The following ZMYM2 variants were observed in gnomAD, a reference collection of about 807,000 sequenced individuals.
The protein encoded by ZMYM2 is zinc finger MYM-type containing 2.
In ZMYM2, 56 loss-of-function variants were observed where a neutral mutation model predicts 162.8. That is an observed-to-expected ratio of 0.34 (90% CI 0.28 to 0.43). The LOEUF (loss-of-function observed/expected upper bound fraction) is 0.43. Ranked by LOEUF, ZMYM2 falls within the 20% of genes least tolerant of loss-of-function variation. ZMYM2 has a pLI of 1.00. For missense variants in ZMYM2, 1,275 were observed against 1,621.8 expected, an observed-to-expected ratio of 0.79 and a Z score of 3.67; for synonymous variants, 510 against 541.6, an observed-to-expected ratio of 0.94 and a Z score of 0.81.
At chr13:20,000,004 T>C (rs1318779785) in intron 3 of ZMYM2, among the ~76,000 whole-genome samples, 1 of 152,160 alleles carries the variant, frequency 6.6e-6, no homozygotes. Context: ...GGTTTCGCTA[T>C]GTTGCCCAGG....
intron 17 of ZMYM2, among the ~76,000 whole-genome samples, chr13:20,061,758 T>C (rs113899525): frequency 2.6e-5 from 4 of 152,074 alleles, no homozygotes; most frequent in Admixed American, 6.5e-5. Flanking sequence ...CCAGCCAATT[T>C]TTGTCTTTTT....
chr13:19,966,542 C>T (rs1955805027), intron 2 of ZMYM2, among the ~76,000 whole-genome samples: 1 of 151,582 alleles, frequency 6.6e-6, no homozygotes, highest in African/African-American at 2.4e-5. Context: ...GCAGCCCCTA[C>T]CTCCTGGTTT....
At chr13:19,884,236 G>C in the ZMYM2 span, among the ~76,000 whole-genome samples, 2 of 152,150 alleles carry the variant, frequency 1.3e-5, no homozygotes, top group South Asian at 2.1e-4. Context: ...AAGCACAGTA[G>C]GGTTGTGTCC....
chr13:20,030,467 C>T lies in ZMYM2; in HGVS notation c.1852-852C>T, dbSNP rs570585705. ...AGGCTGGAGTGCAGTGGCGTGATCTCGGCTCACTGCAAGCTCCACCTCCTG... is the reference window on the plus strand; with the variant it reads ...AGGCTGGAGTGCAGTGGCGTGATCTTGGCTCACTGCAAGCTCCACCTCCTG... On this transcript the variant is annotated intron_variant, in intron 9 of 24. Coordinates refer to ENST00000610343, the MANE Select transcript of ZMYM2 (RefSeq NM_197968.4). Among the ~76,000 whole-genome samples the T allele has an allele frequency of 1.4e-3, 205 of 148,214 alleles. 1 individual carries two copies. The highest frequency in any genetic ancestry group is 2.4e-3 in the Non-Finnish European group (162 of 67,608).
chr13:19,926,068 C>A, the ZMYM2 span, among the ~76,000 whole-genome samples: 1 of 150,786 alleles, frequency 6.6e-6, no homozygotes, highest in Non-Finnish European at 1.5e-5. Flanking sequence ...TCAAGCAATT[C>A]TCCCCTCTCA....
chr13:19,893,196 G>T, the ZMYM2 span, among the ~76,000 whole-genome samples: 1 of 151,212 alleles, frequency 6.6e-6, no homozygotes, highest in African/African-American at 2.4e-5. Context: ...ACTTTGGGAG[G>T]CCGAGGTGGG....
chr13:19,994,351 G>A (rs1949858210), intron 3 of ZMYM2, among the ~76,000 whole-genome samples: 1 of 152,118 alleles, frequency 6.6e-6, no homozygotes, highest in African/African-American at 2.4e-5. Flanking sequence ...AGAATGAAGT[G>A]TGATAATTTA....
chr13:20,075,612 T>C (rs1957428161), intron 21 of ZMYM2, among the ~76,000 whole-genome samples: 1 of 150,982 alleles, frequency 6.6e-6, no homozygotes, highest in South Asian at 2.1e-4. Context: ...TACACTGTTT[T>C]ACATATGTGA....
intron 12 of ZMYM2, among the ~76,000 whole-genome samples, chr13:20,042,547 T>G (rs780034725): frequency 6.6e-6 from 1 of 152,080 alleles, no homozygotes; most frequent in Non-Finnish European, 1.5e-5. Flanking sequence ...TTCTGTTATT[T>G]CAGCCATCTC....
chr13:20,007,972 T>G (rs1434543047), intron 6 of ZMYM2, among the ~76,000 whole-genome samples: 1 of 152,084 alleles, frequency 6.6e-6, no homozygotes, highest in Non-Finnish European at 1.5e-5. Context: ...ACGCAAAGTT[T>G]TGTTTTTTGT....
At chr13:19,899,782 A>T in the ZMYM2 span, among the ~76,000 whole-genome samples, 1 of 138,216 alleles carries the variant, frequency 7.2e-6, no homozygotes, top group Non-Finnish European at 1.5e-5. Flanking sequence ...GTGCCACTGC[A>T]CTTCAGCCTG....
chr13:19,987,206 T>A (rs1171699634), intron 2 of ZMYM2, among the ~76,000 whole-genome samples: 1 of 151,340 alleles, frequency 6.6e-6, no homozygotes. Flanking sequence ...GATTTAAATA[T>A]TCACAGCTAT....
chr13:20,078,610 T>G (rs1398005561), intron 21 of ZMYM2, among the ~76,000 whole-genome samples: 1 of 152,192 alleles, frequency 6.6e-6, no homozygotes, highest in Non-Finnish European at 1.5e-5. Flanking sequence ...TCTGTTTAAG[T>G]AGATATCTGT....
intron 2 of ZMYM2, among the ~76,000 whole-genome samples, chr13:19,962,846 G>A (rs1354876504): frequency 9.6e-6 from 1 of 103,796 alleles, no homozygotes; most frequent in Non-Finnish European, 2.0e-5. Flanking sequence ...TTTTTTTTGA[G>A]ACAGAGTCTC....
At chr13:20,019,749 A>G in intron 7 of ZMYM2, 131 bp downstream of exon 7, 1 of 777,182 alleles carries the variant, frequency 1.3e-6, no homozygotes, top group Non-Finnish European at 2.1e-6. Context: ...AATTGTATCA[A>G]ATGATGAATG....
the ZMYM2 span, among the ~76,000 whole-genome samples, chr13:19,912,414 C>A: frequency 6.6e-6 from 1 of 151,242 alleles, no homozygotes; most frequent in Non-Finnish European, 1.5e-5. Context: ...CTCACTGCAG[C>A]CTCAACATCC....
At position 20,032,597 on chromosome 13, in the gene ZMYM2, GTCTTTT is replaced by G. The variant is rs1953279903; in HGVS notation, c.1968+1164_1968+1169del. Reference sequence around the variant, plus strand: ...AACTGGATTACATGATTTTTTTTCTGTCTTTTTTTTTTTTTTTTTTTTTTTTTTTGA... The same window carrying G: ...AACTGGATTACATGATTTTTTTTCTGTTTTTTTTTTTTTTTTTTTTTTTGA... On this transcript the variant is annotated intron_variant, in intron 10 of 24. Transcript: ENST00000610343. Among the ~76,000 whole-genome samples the G allele has an allele frequency of 1.0e-4, 9 of 86,142 alleles. 1 individual carries two copies. The highest frequency in any genetic ancestry group is 6.5e-4 in the Admixed American group (6 of 9,272). 56.5% of individuals were successfully genotyped at this position (86,142 alleles called of 152,430 possible).
intron 2 of ZMYM2, among the ~76,000 whole-genome samples, chr13:19,987,437 G>A (rs1462056762): frequency 6.6e-6 from 1 of 151,882 alleles, no homozygotes; most frequent in Non-Finnish European, 1.5e-5. Context: ...CTAATTTTTT[G>A]TATTTTTGGT....
chr13:20,074,565 G>A (rs1200302486), intron 21 of ZMYM2, among the ~76,000 whole-genome samples: 4 of 147,308 alleles, frequency 2.7e-5, no homozygotes, highest in African/African-American at 1.0e-4. Context: ...TTGAGACGGA[G>A]TCTTACTCTG....
Sources: gnomAD v4.1 joint callset for allele counts (sites outside exome capture counted in the v4.1 genomes callset) on GRCh38, gnomAD v4.1.1 for gene constraint, MANE v1.5 for transcripts, NCBI Gene and HGNC (gene_info 2026-07-23, HGNC 2026-07-21) for gene names.